The following ESCO1 variants were observed in gnomAD, a reference collection of about 807,000 sequenced individuals.
The protein encoded by ESCO1 is establishment of sister chromatid cohesion N-acetyltransferase 1.
Under a neutral mutation model 83.5 loss-of-function variants are expected in ESCO1, and 33 were observed. The observed-to-expected ratio is 0.40, with a 90% CI of 0.30 to 0.53. The LOEUF (loss-of-function observed/expected upper bound fraction) is 0.53. ESCO1 is among the 20% of genes least tolerant of loss of function. The pLI, the probability that ESCO1 is intolerant of heterozygous loss-of-function variation, is 0.63. For missense variants in ESCO1, 855 were observed against 968.0 expected, an observed-to-expected ratio of 0.88 and a Z score of 1.55; for synonymous variants, 332 against 324.3, an observed-to-expected ratio of 1.02 and a Z score of -0.25.
At chr18:21,585,384 T>C (rs916528747) in intron 1 of ESCO1, among the ~76,000 whole-genome samples, 4 of 152,138 alleles carry the variant, frequency 2.6e-5, no homozygotes, top group African/African-American at 9.7e-5. Context: ...GCCAACCAGA[T>C]GCCAGCCTAT....
chr18:21,547,451 C>G (rs992012520), intron 8 of ESCO1, among the ~76,000 whole-genome samples: 10 of 151,782 alleles, frequency 6.6e-5, no homozygotes, highest in Non-Finnish European at 1.2e-4. Flanking sequence ...TAGTTAAGCT[C>G]ACTTTCTTTT....
At chr18:21,588,655 G>A (rs996442582) in intron 1 of ESCO1, among the ~76,000 whole-genome samples, 1 of 152,078 alleles carries the variant, frequency 6.6e-6, no homozygotes, top group African/African-American at 2.4e-5. Flanking sequence ...GGTGGCTCAC[G>A]CCTGTAATAC....
chr18:21,571,199 T>G (rs1441549087), intron 4 of ESCO1, among the ~76,000 whole-genome samples: 2 of 152,096 alleles, frequency 1.3e-5, no homozygotes, highest in South Asian at 4.1e-4. Flanking sequence ...AGGATATTTT[T>G]TTTTTGAAGA....
Position 21,536,044 on chromosome 18 carries a change from A to G in ESCO1, c.2185T>C (p.Trp729Arg), listed in dbSNP as rs1349046995. ...AAGAACACTCTTTTATCACTTACCC[A>G]TTGGATATGTTCCGCAATTAGGCAG... is the stretch of plus-strand genomic sequence containing the variant. ...VGCLIAEHIQ[W>R]GYRVIEEKLP... The change falls in exon 10 of 12, where the codon TGG becomes CGG. Residue 729 changes from tryptophan (W) to arginine (R), a missense_variant and splice_region_variant. Around this residue, in one of 2 missense-constraint regions of ESCO1, gnomAD observed 129 missense variants for 268.5 expected, o/e 0.48. Coordinates refer to ENST00000269214, the MANE Select transcript of ESCO1 (RefSeq NM_052911.3). 1 of 1,613,526 alleles carries G rather than the reference A, an allele frequency of 6.2e-7. No homozygotes were observed. Among genetic ancestry groups the G allele is most frequent in the Non-Finnish European group, 8.5e-7 (1 of 1,179,874 alleles).
chr18:21,554,869 CT>C (rs2038092664), intron 8 of ESCO1, among the ~76,000 whole-genome samples: 1 of 151,954 alleles, frequency 6.6e-6, no homozygotes, highest in African/African-American at 2.4e-5. Flanking sequence ...GATCATGCCA[CT>C]GCACTCTGGC....
rs190521187 is a variant in ESCO1 at position 21,558,566 on chromosome 18, T to C, written c.1953+2293A>G. On this transcript the variant is annotated intron_variant, in intron 8 of 11. Coordinates refer to ENST00000269214, the MANE Select transcript of ESCO1 (RefSeq NM_052911.3). The stretch of plus-strand genomic sequence containing the variant: ...CAATACAGTGAAACTCCATCTCTAC[T>C]AAAAATACAAAAATTAGCTGGGAGT... 3.3e-5 allele frequency among the ~76,000 whole-genome samples: 5 copies of C among 152,020 alleles called. No homozygotes were observed. In the East Asian group the frequency reaches 7.7e-4, roughly 24 times the overall value.
Position 21,574,754 on chromosome 18 carries a change from A to G in ESCO1, c.90T>C (p.Asp30=). 1 of 1,608,608 alleles carries G rather than the reference A, an allele frequency of 6.2e-7. No individual in the cohort carries two copies. The highest frequency in any genetic ancestry group is 2.2e-5 in the East Asian group (1 of 44,842). ...ATTTTTTTGCTAGATTCTTTTGAGAATCCTGAATTTCTGTTTCTGAATTCT... is the reference window on the plus strand; with the variant it reads ...ATTTTTTTGCTAGATTCTTTTGAGAGTCCTGAATTTCTGTTTCTGAATTCT... ...DDKNSETEIQ[D]SQKNLAKKSG... Residue 30 remains aspartate (D), a synonymous_variant, in exon 4 of 12, where the codon GAT becomes GAC. Transcript: ENST00000269214.
intron 1 of ESCO1, among the ~76,000 whole-genome samples, chr18:21,598,185 T>A (rs2038791725): frequency 6.6e-6 from 1 of 152,280 alleles, no homozygotes. Context: ...TGAAAAAATA[T>A]TTAACTATTA....
intron 2 of ESCO1, among the ~76,000 whole-genome samples, chr18:21,583,327 A>C (rs564473793): frequency 2.0e-5 from 3 of 152,086 alleles, no homozygotes; most frequent in South Asian, 4.2e-4. Flanking sequence ...GTCTTTTACA[A>C]AGGCACTAAT....
At chr18:21,572,345 T>C (rs935519306) in intron 4 of ESCO1, among the ~76,000 whole-genome samples, 1 of 152,204 alleles carries the variant, frequency 6.6e-6, no homozygotes, top group African/African-American at 2.4e-5. Context: ...ATATTAGTAG[T>C]CTACATATAA....
intron 8 of ESCO1, among the ~76,000 whole-genome samples, chr18:21,556,271 T>TA (rs2038111264): frequency 1.3e-5 from 2 of 152,130 alleles, no homozygotes; most frequent in South Asian, 4.2e-4. Context: ...AAATAAAATT[T>TA]AAAAATCAGA....
At chr18:21,555,071 G>A (rs1309238901) in intron 8 of ESCO1, among the ~76,000 whole-genome samples, 1 of 152,190 alleles carries the variant, frequency 6.6e-6, no homozygotes, top group Non-Finnish European at 1.5e-5. Context: ...ACTCCAGCCT[G>A]TGTGACAGAG....
intron 8 of ESCO1, among the ~76,000 whole-genome samples, chr18:21,550,851 G>A (rs181249836): frequency 2.6e-5 from 4 of 152,152 alleles, no homozygotes; most frequent in Non-Finnish European, 4.4e-5. Context: ...GGTGGCTCAC[G>A]CCTGTAATCC....
intron 2 of ESCO1, among the ~76,000 whole-genome samples, chr18:21,578,629 A>G (rs1307404810): frequency 3.3e-5 from 5 of 152,174 alleles, no homozygotes; most frequent in Non-Finnish European, 7.3e-5. Flanking sequence ...CTGAGGCAGG[A>G]GGATCACTTG....
chr18:21,570,838 G>A (rs893099649), intron 4 of ESCO1, among the ~76,000 whole-genome samples: 46 of 152,182 alleles, frequency 3.0e-4, no homozygotes, highest in African/African-American at 1.0e-3. Context: ...TTAGCCGGGC[G>A]TGGTGGCAGG....
chr18:21,544,090 G>C (rs542545356), intron 8 of ESCO1, among the ~76,000 whole-genome samples: 3 of 151,804 alleles, frequency 2.0e-5, no homozygotes, highest in Non-Finnish European at 4.4e-5. Flanking sequence ...TGGCTAACAC[G>C]GTGAAACCCT....
At chr18:21,536,395 G>C (rs1416500675) in intron 9 of ESCO1, among the ~76,000 whole-genome samples, 10 of 151,964 alleles carry the variant, frequency 6.6e-5, no homozygotes, top group Admixed American at 2.0e-4. Flanking sequence ...TTCACGACCA[G>C]CCTGGGCAAC....
chr18:21,564,444 G>A, intron 6 of ESCO1, 127 bp from the exon 7 acceptor site: 1 of 605,410 alleles, frequency 1.7e-6, no homozygotes, highest in Non-Finnish European at 2.7e-6. Context: ...AGGCTGGAGT[G>A]CAGTGGCGCA....
chr18:21,568,179 A>C (rs2038288813), intron 4 of ESCO1, 85 bp from the exon 5 acceptor site: 2 of 981,708 alleles, frequency 2.0e-6, no homozygotes, highest in Admixed American at 4.1e-5. Context: ...TACTAAAAAA[A>C]TTTAACATAC....
Sources: allele counts gnomAD v4.1 joint callset (sites outside exome capture counted in the v4.1 genomes callset), GRCh38; gene constraint gnomAD v4.1.1; regional missense constraint gnomAD v4.1.1; transcripts MANE v1.5; gene names NCBI Gene and HGNC (gene_info 2026-07-23, HGNC 2026-07-21).